IAH1: variants seen among roughly 807,000 people sequenced by gnomAD.
IAH1 encodes isoamyl acetate hydrolyzing esterase 1 (putative), also known as isoamyl acetate-hydrolyzing esterase 1 homolog.
Under a neutral mutation model 26.7 loss-of-function variants are expected in IAH1, and 24 were observed. That is an observed-to-expected ratio of 0.90 (90% CI 0.65 to 1.26). IAH1 has a LOEUF of 1.26. IAH1 is among the 50% of genes most tolerant of loss of function. IAH1 has a pLI of 0.00. For synonymous variants in IAH1, 140 were observed against 118.5 expected (o/e 1.18, Z -1.18); for missense variants, 300 against 299.9 (o/e 1.00, Z 0.00).
At chr2:9,484,808 T>C in intron 5 of IAH1, 1 of 387,964 alleles carries the variant, frequency 2.6e-6, no homozygotes, top group Non-Finnish European at 4.6e-6. Flanking sequence ...ATGGCTCATA[T>C]TTATGAACGT....
At chr2:9,499,360 T>C (rs923608129), downstream of IAH1, among the ~76,000 whole-genome samples, 1 of 152,152 alleles carries the variant, frequency 6.6e-6, no homozygotes, top group African/African-American at 2.4e-5. Flanking sequence ...TAGCAAATGC[T>C]TCTTTAAAGC....
At chr2:9,481,189 ACAT>A in intron 3 of IAH1, 94 bp from the exon 4 acceptor site, 1 of 1,284,180 alleles carries the variant, frequency 7.8e-7, no homozygotes, top group Non-Finnish European at 1.1e-6. Context: ...CCCCCCAGTG[ACAT>A]CATGAATAAC....
intron 5 of IAH1, chr2:9,486,621 A>C (rs991687743): frequency 3.9e-5 from 6 of 152,194 alleles, no homozygotes; most frequent in Non-Finnish European, 5.9e-5. Flanking sequence ...TGAGGTCAGG[A>C]GTTCGAGACC....
At chr2:9,490,318 C>T, downstream of IAH1, 1 of 1,614,132 alleles carries the variant, frequency 6.2e-7, no homozygotes, top group Non-Finnish European at 8.5e-7. Flanking sequence ...AGGGGTCCTT[C>T]TCAAACCCAT....
At chr2:9,509,702 C>T in the IAH1 span, among the ~76,000 whole-genome samples, 1 of 151,998 alleles carries the variant, frequency 6.6e-6, no homozygotes, top group South Asian at 2.1e-4. Context: ...CCCTGAAATC[C>T]AGAACTCCAA....
At chr2:9,511,596 G>C in the IAH1 span, among the ~76,000 whole-genome samples, 118 of 152,290 alleles carry the variant, frequency 7.7e-4, no homozygotes, top group African/African-American at 2.8e-3. Context: ...TAATCTATCA[G>C]ATTATCAGAT....
At chr2:9,477,495 A>AG (rs1324437023) in intron 2 of IAH1, among the ~76,000 whole-genome samples, 1 of 152,002 alleles carries the variant, frequency 6.6e-6, no homozygotes, top group African/African-American at 2.4e-5. Flanking sequence ...ACTAAGAAAA[A>AG]AAGAGTCCCT....
At chr2:9,509,503 A>T in the IAH1 span, among the ~76,000 whole-genome samples, 6 of 152,216 alleles carry the variant, frequency 3.9e-5, no homozygotes, top group Non-Finnish European at 7.3e-5. Context: ...TATGAATAAG[A>T]TAGAGCTATG....
chr2:9,491,445 T>A (rs1267292790), downstream of IAH1, among the ~76,000 whole-genome samples: 1 of 152,212 alleles, frequency 6.6e-6, no homozygotes, highest in African/African-American at 2.4e-5. Flanking sequence ...GGCAGGGGAA[T>A]AATAAAGGCA....
chr2:9,483,296 G>A (rs959777643), intron 4 of IAH1, among the ~76,000 whole-genome samples: 2 of 152,222 alleles, frequency 1.3e-5, no homozygotes, highest in Non-Finnish European at 2.9e-5. Context: ...AGGCTGTGTA[G>A]GGCAGTGGAT....
At chr2:9,480,114 T>C (rs1386810859) in intron 3 of IAH1, among the ~76,000 whole-genome samples, 1 of 152,094 alleles carries the variant, frequency 6.6e-6, no homozygotes, top group African/African-American at 2.4e-5. Flanking sequence ...TGGCCGTGTA[T>C]TGCTATTTAT....
chr2:9,504,973 G>A, the IAH1 span, among the ~76,000 whole-genome samples: 2 of 152,156 alleles, frequency 1.3e-5, no homozygotes, highest in South Asian at 2.1e-4. Flanking sequence ...CAGAGTGCTG[G>A]GATGACAGGA....
At position 9,478,160 on chromosome 2, in the gene IAH1, G is replaced by A. The variant is rs1477244721; in HGVS notation, c.135-62G>A. The A allele has an allele frequency of 1.9e-5, 28 of 1,466,282 alleles. No individual in the cohort carries two copies. In the East Asian group the frequency reaches 2.4e-4, roughly 12 times the overall value. 90.8% of individuals were successfully genotyped at this position (1,466,282 alleles called of 1,614,324 possible). On this transcript the variant is annotated intron_variant, in intron 2 of 5. Coordinates refer to ENST00000497473, the MANE Select transcript of IAH1 (RefSeq NM_001039613.3). ...AGAGAGCACACCCTCACTAAAGGCC[G>A]GTTACTGCGACCATAAACACTTCTT...
At position 9,487,829 on chromosome 2, in the gene IAH1, TGTGTGCGC is replaced by T. The variant is rs780925385; in HGVS notation, c.565-316_565-309del. Among the ~76,000 whole-genome samples, 272 of 78,924 alleles carry T rather than the reference TGTGTGCGC, an allele frequency of 3.4e-3. 1 individual carries two copies. The highest frequency in any genetic ancestry group is 8.7e-3 in the Admixed American group (75 of 8,652). 51.8% of individuals were successfully genotyped at this position (78,924 alleles called of 152,430 possible). A position where few individuals can be genotyped will look rare whatever the true frequency, so the allele number is the denominator to read the frequency against. On this transcript the variant is annotated intron_variant, in intron 5 of 5. Coordinates refer to ENST00000497473, the MANE Select transcript of IAH1 (RefSeq NM_001039613.3). ...GTGTGTGTGTGTGTGTGTGTGTGTG[TGTGTGCGC>T]GCGCGCGCGCGCGCTGTGGGGGGAG...
intron 4 of IAH1, among the ~76,000 whole-genome samples, chr2:9,483,991 C>T (rs988391201): frequency 7.9e-5 from 12 of 152,184 alleles, no homozygotes; most frequent in Non-Finnish European, 1.8e-4. Context: ...TGTTGCGGTC[C>T]AGCTGTTACA....
chr2:9,495,093 TTTC>T (rs928746805), intron 6 of IAH1, among the ~76,000 whole-genome samples: 39 of 152,362 alleles, frequency 2.6e-4, no homozygotes, highest in African/African-American at 9.4e-4. Context: ...TTGTCCCAAC[TTTC>T]TTGTCACCCT....
chr2:9,510,693 A>G, the IAH1 span, among the ~76,000 whole-genome samples: 1 of 150,582 alleles, frequency 6.6e-6, no homozygotes, highest in South Asian at 2.1e-4. Context: ...TTAGCCAGGC[A>G]TGGTGGTGCA....
the IAH1 span, among the ~76,000 whole-genome samples, chr2:9,508,053 G>A: frequency 1.5e-4 from 23 of 152,194 alleles, no homozygotes; most frequent in Admixed American, 6.5e-4. Flanking sequence ...CCCAGAACTG[G>A]CAGCAGGAAG....
In IAH1 at chr2:9,478,245, G is replaced by A; in HGVS notation, c.158G>A (p.Gly53Glu). 6.2e-7 allele frequency: 1 copy of A among 1,607,526 alleles called. No individual in the cohort carries two copies. The highest frequency in any genetic ancestry group is 2.2e-5 in the East Asian group (1 of 44,768). The change falls in exon 3 of 6, where the codon GGA (glycine) becomes GAA (glutamate). Residue 53 changes from glycine to glutamate, a missense_variant. Gly to Glu is a moderately conservative substitution (Grantham distance 98). Transcript: ENST00000497473. ...AGAAAATGTGATGTTCTGAATCGTG[G>A]ATTTTCAGGTTACAATACCAGGTGG... ...LVRKCDVLNR[G>E]FSGYNTRWAK...
Sources: allele counts gnomAD v4.1 joint callset (sites outside exome capture counted in the v4.1 genomes callset), GRCh38; gene constraint gnomAD v4.1.1; transcripts MANE v1.5; gene names NCBI Gene and HGNC (gene_info 2026-07-23, HGNC 2026-07-21).